PTPRT: variants seen among roughly 807,000 people sequenced by gnomAD.
PTPRT encodes protein tyrosine phosphatase receptor type T, also known as receptor-type tyrosine-protein phosphatase T.
PTPRT carries 56 observed loss-of-function variants against 176.8 expected under a neutral mutation model. That is an observed-to-expected ratio of 0.32 (90% confidence interval 0.26 to 0.40). The LOEUF (loss-of-function observed/expected upper bound fraction) is 0.40. Ranked by LOEUF, PTPRT falls within the 10% of genes least tolerant of loss-of-function variation. PTPRT has a pLI of 1.00. For missense variants in PTPRT, 1,540 were observed against 1,908.2 expected (o/e 0.81, Z 3.60); for synonymous variants, 783 against 739.0 (o/e 1.06, Z -0.96).
At chr20:42,178,930 C>T (rs1271088780) in intron 16 of PTPRT, among the ~76,000 whole-genome samples, 1 of 152,062 alleles carries the variant, frequency 6.6e-6, no homozygotes, top group African/African-American at 2.4e-5. Flanking sequence ...AGAGAGAGCA[C>T]CCAAGATAAA....
intron 8 of PTPRT, among the ~76,000 whole-genome samples, chr20:42,458,202 T>A (rs977787991): frequency 3.3e-5 from 5 of 152,196 alleles, no homozygotes; most frequent in African/African-American, 9.6e-5. Flanking sequence ...TCAGTGCAGA[T>A]ACAAAGGTGT....
chr20:43,128,080 T>C (rs2013511692), intron 1 of PTPRT, among the ~76,000 whole-genome samples: 2 of 152,158 alleles, frequency 1.3e-5, no homozygotes, highest in African/African-American at 2.4e-5. Context: ...ACTCCAACCA[T>C]GAGCATGGGA....
At position 42,907,489 on chromosome 20, in the gene PTPRT, T is replaced by C. The variant is rs1169954741; in HGVS notation, c.89-21557A>G. On this transcript the variant is annotated intron_variant, in intron 1 of 30. Transcript: ENST00000373187. ...AGTTTTTTTTTAATGTTTTTCTCAT[T>C]GACTTGGAGGACGCGACACAATTTG... Among the ~76,000 whole-genome samples the C allele has an allele frequency of 2.0e-5, 3 of 152,018 alleles. No individual in the cohort carries two copies. The East Asian group carries it at 5.8e-4, about 29-fold the overall frequency.
At chr20:42,245,105 A>G (rs991659906) in intron 14 of PTPRT, among the ~76,000 whole-genome samples, 2 of 152,198 alleles carry the variant, frequency 1.3e-5, no homozygotes, top group Admixed American at 6.5e-5. Flanking sequence ...GACATGGGGT[A>G]CCCATTACAG....
chr20:42,275,599 A>C (rs2057015894), intron 13 of PTPRT, among the ~76,000 whole-genome samples: 1 of 152,092 alleles, frequency 6.6e-6, no homozygotes, highest in Non-Finnish European at 1.5e-5. Flanking sequence ...TGGCGGGGGA[A>C]GTTTGAGCAC....
chr20:42,221,790 A>G (rs771712588), intron 15 of PTPRT, among the ~76,000 whole-genome samples: 1 of 152,142 alleles, frequency 6.6e-6, no homozygotes, highest in Non-Finnish European at 1.5e-5. Flanking sequence ...AAGTGCTGGG[A>G]TTACAGATGT....
At chr20:42,231,940 A>T (rs2056142598) in intron 15 of PTPRT, among the ~76,000 whole-genome samples, 1 of 152,150 alleles carries the variant, frequency 6.6e-6, no homozygotes, top group Non-Finnish European at 1.5e-5. Context: ...GGAAATATAG[A>T]ATTCCTCTGC....
chr20:42,357,758 T>TA (rs1336771744), intron 9 of PTPRT, among the ~76,000 whole-genome samples: 10 of 151,728 alleles, frequency 6.6e-5, no homozygotes, highest in African/African-American at 2.4e-4. Context: ...CAATTTGTTT[T>TA]AAAAAACTAG....
intron 1 of PTPRT, among the ~76,000 whole-genome samples, chr20:43,126,363 A>G (rs1036126378): frequency 3.3e-5 from 5 of 151,912 alleles, no homozygotes; most frequent in African/African-American, 1.2e-4. Context: ...AGAGAAAAAA[A>G]AAAGAAAGAA....
chr20:42,321,868 G>T (rs999901001), intron 11 of PTPRT, among the ~76,000 whole-genome samples: 4 of 152,160 alleles, frequency 2.6e-5, no homozygotes, highest in Non-Finnish European at 4.4e-5. Context: ...TGGATCATGA[G>T]GTCAGGAGAT....
At chr20:42,949,691 G>A (rs1435659301) in intron 1 of PTPRT, among the ~76,000 whole-genome samples, 1 of 152,194 alleles carries the variant, frequency 6.6e-6, no homozygotes, top group Non-Finnish European at 1.5e-5. Flanking sequence ...TTAAACAGTT[G>A]TTGGTTTACA....
At chr20:42,905,400 T>G (rs1488429442) in intron 1 of PTPRT, among the ~76,000 whole-genome samples, 1 of 152,132 alleles carries the variant, frequency 6.6e-6, no homozygotes, top group African/African-American at 2.4e-5. Context: ...TGGCCATCAT[T>G]AAAAAGTCGG....
At chr20:42,185,981 C>G (rs1568653873) in intron 16 of PTPRT, among the ~76,000 whole-genome samples, 3 of 151,998 alleles carry the variant, frequency 2.0e-5, no homozygotes, top group South Asian at 2.1e-4. Context: ...AACACATTTG[C>G]AAACCGCAGT....
chr20:42,868,855 C>T (rs563570234), intron 2 of PTPRT, among the ~76,000 whole-genome samples: 1 of 152,310 alleles, frequency 6.6e-6, no homozygotes, highest in South Asian at 2.1e-4. Flanking sequence ...CATGAGACCT[C>T]AGCACTCGCT....
intron 1 of PTPRT, among the ~76,000 whole-genome samples, chr20:43,121,986 TC>T (rs2013277518): frequency 6.6e-6 from 1 of 152,190 alleles, no homozygotes; most frequent in African/African-American, 2.4e-5. Flanking sequence ...TCAAACTCTG[TC>T]TGGGGACTCC....
At chr20:43,141,816 C>T (rs1251594613) in intron 1 of PTPRT, among the ~76,000 whole-genome samples, 4 of 152,160 alleles carry the variant, frequency 2.6e-5, no homozygotes, top group Admixed American at 2.0e-4. Context: ...TTTCTTGAAA[C>T]AGGATCCACA....
chr20:42,522,836 T>A lies in PTPRT; in HGVS notation c.1154-50274A>T, dbSNP rs191685160. Among the ~76,000 whole-genome samples the A allele has an allele frequency of 5.7e-3, 862 of 152,286 alleles. 2 individuals are homozygous for A. The highest frequency in any genetic ancestry group is 9.9e-3 in the Non-Finnish European group (674 of 68,024). ...TGTCTTCCCATTTATATGAAATTGG[T>A]TTCCCTGAGCATTTAGAAGAGAATA... On this transcript the variant is annotated intron_variant, in intron 7 of 30. Transcript: ENST00000373187.
intron 7 of PTPRT, among the ~76,000 whole-genome samples, chr20:42,477,388 T>C (rs768933475): frequency 1.8e-4 from 27 of 151,778 alleles, no homozygotes; most frequent in Non-Finnish European, 3.7e-4. Flanking sequence ...AATATATATA[T>C]ATATATTTTT....
chr20:42,745,734 A>G (rs1188263328), intron 6 of PTPRT, among the ~76,000 whole-genome samples: 1 of 152,244 alleles, frequency 6.6e-6, no homozygotes, highest in Non-Finnish European at 1.5e-5. Context: ...CTGTCACGGA[A>G]TAATACATTA....
Sources: gnomAD v4.1 joint callset for allele counts (sites outside exome capture counted in the v4.1 genomes callset) on GRCh38, gnomAD v4.1.1 for gene constraint, MANE v1.5 for transcripts, NCBI Gene and HGNC (gene_info 2026-07-23, HGNC 2026-07-21) for gene names.